Variants in OPA1 observed in about 807,000 individuals in gnomAD.
OPA1 encodes OPA1 mitochondrial dynamin like GTPase.
A neutral mutation model predicts 152.9 loss-of-function variants in OPA1; 59 were observed. That is an observed-to-expected ratio of 0.39 (90% CI 0.31 to 0.48). OPA1 has a LOEUF of 0.48. OPA1 is among the 20% of genes least tolerant of loss of function. The probability of loss-of-function intolerance (pLI) is 0.96; values close to 1 mark genes in which losing one functional copy is unlikely to be tolerated. For synonymous variants in OPA1, 400 were observed against 389.9 expected (o/e 1.03, Z -0.31); for missense variants, 1,008 against 1,216.8 (o/e 0.83, Z 2.55).
intron 7 of OPA1, 141 bp from the exon 8 acceptor site, chr3:193,631,471 A>G (rs1732057655): frequency 6.7e-6 from 4 of 596,280 alleles, no homozygotes; most frequent in Non-Finnish European, 1.2e-5. Flanking sequence ...TTCTTAAATC[A>G]CTTGATTTAA....
intron 24 of OPA1, 69 bp downstream of exon 24, chr3:193,659,064 C>A: frequency 2.0e-6 from 2 of 1,000,592 alleles, no homozygotes; most frequent in Admixed American, 1.7e-5. Context: ...CTTTAGTGAA[C>A]ATTTGTAGAA....
chr3:193,623,548 G>A (rs1730535464), intron 6 of OPA1, among the ~76,000 whole-genome samples: 1 of 152,096 alleles, frequency 6.6e-6, no homozygotes, highest in African/African-American at 2.4e-5. Context: ...ATTGAGATCT[G>A]CAGTGTCAAA....
At chr3:193,639,476 G>A (rs1733427451) in intron 11 of OPA1, among the ~76,000 whole-genome samples, 2 of 152,174 alleles carry the variant, frequency 1.3e-5, no homozygotes, top group Non-Finnish European at 2.9e-5. Flanking sequence ...TGTTCAGCAA[G>A]GAGAATAGCT....
Position 193,643,955 on chromosome 3 carries a change from C to A in OPA1, c.1478-20C>A. ...TTTACATCTTAAAATTCCACAGTGT[C>A]ATTTTTTTATTTTTTTCAGATGGAT... is the stretch of plus-strand genomic sequence containing the variant. On this transcript the variant is annotated intron_variant, in intron 15 of 30. Coordinates refer to ENST00000361510, the MANE Select transcript of OPA1 (RefSeq NM_130837.3). The A allele has an allele frequency of 6.2e-7, 1 of 1,612,626 alleles. No homozygotes were observed. The highest frequency in any genetic ancestry group is 1.1e-5 in the South Asian group (1 of 90,914).
At chr3:193,692,010 G>A in intron 29 of OPA1, 53 bp from the exon 30 acceptor site, 1 of 1,107,432 alleles carries the variant, frequency 9.0e-7, no homozygotes, top group Non-Finnish European at 1.3e-6. Flanking sequence ...ATTACCTCCT[G>A]ATTTGTGATA....
At chr3:193,605,114 A>T (rs2108812969) in intron 1 of OPA1, among the ~76,000 whole-genome samples, 2 of 152,270 alleles carry the variant, frequency 1.3e-5, no homozygotes, top group South Asian at 4.1e-4. Context: ...GTGGCATTAC[A>T]CTCCAGGTGT....
At chr3:193,658,188 T>C (rs1445569292) in intron 23 of OPA1, among the ~76,000 whole-genome samples, 1 of 151,264 alleles carries the variant, frequency 6.6e-6, no homozygotes, top group Non-Finnish European at 1.5e-5. Flanking sequence ...GAGGTTGCGG[T>C]TAGCCGAGAT....
At chr3:193,645,881 G>A in intron 18 of OPA1, 81 bp downstream of exon 18, 2 of 1,093,452 alleles carry the variant, frequency 1.8e-6, no homozygotes, top group South Asian at 2.7e-5. Flanking sequence ...AAAACATCAG[G>A]TTTTATAACT....
At chr3:193,609,293 A>G (rs1013646938) in intron 1 of OPA1, among the ~76,000 whole-genome samples, 2 of 152,210 alleles carry the variant, frequency 1.3e-5, no homozygotes, top group African/African-American at 4.8e-5. Flanking sequence ...TCCTTCACTT[A>G]TGAAGCTTAG....
Position 193,684,537 on chromosome 3 carries a change from G to A in OPA1, c.2984-7526G>A, listed in dbSNP as rs140464287. Among the ~76,000 whole-genome samples, 461 of 137,152 alleles carry A rather than the reference G, an allele frequency of 3.4e-3. 3 individuals carry two copies. Among genetic ancestry groups the A allele is most frequent in the South Asian group, 0.019 (79 of 4,106 alleles). 90.0% of individuals were successfully genotyped at this position (137,152 alleles called of 152,430 possible). A position where few individuals can be genotyped will look rare whatever the true frequency, so the allele number is the denominator to read the frequency against. On this transcript the variant is annotated intron_variant, in intron 29 of 30. Coordinates refer to ENST00000361510, the MANE Select transcript of OPA1 (RefSeq NM_130837.3). ...ATGATCTTGGCTCACTACAACCTCC[G>A]CCTCCTGGATTCAAGTGATTCTCCT... is the stretch of plus-strand genomic sequence containing the variant.
rs1022933274 is a variant in OPA1, at chr3:193,692,068, G to A, written c.2989G>A (p.Val997Ile). The A allele has an allele frequency of 6.6e-7, 1 of 1,520,292 alleles. No homozygotes were observed. Among genetic ancestry groups the A allele is most frequent in the Non-Finnish European group, 9.0e-7 (1 of 1,107,668 alleles). 94.2% of individuals were successfully genotyped at this position (1,520,292 alleles called of 1,614,324 possible). The change falls in exon 30 of 31, where the codon GTT becomes ATT. Residue 997 changes from valine to isoleucine, a missense_variant. By Grantham distance (29) the Val-to-Ile change is conservative. Coordinates refer to ENST00000361510, the MANE Select transcript of OPA1 (RefSeq NM_130837.3). ...CTTTATTTTTATCTCCACAGAGAAA[G>A]TTAGAGAAATTCAAGAAAAACTTGA... The part of the protein sequence containing the change: ...RVQLAEDLKK[V>I]REIQEKLDAF...
chr3:193,642,520 T>C (rs1395233711), intron 11 of OPA1, among the ~76,000 whole-genome samples: 1 of 152,172 alleles, frequency 6.6e-6, no homozygotes, highest in Non-Finnish European at 1.5e-5. Flanking sequence ...ATAAGCGATA[T>C]AAAGGAACCA....
intron 21 of OPA1, among the ~76,000 whole-genome samples, chr3:193,651,888 A>G (rs1712555765): frequency 6.8e-6 from 1 of 147,440 alleles, no homozygotes; most frequent in Admixed American, 6.8e-5. Context: ...TATGGAGTAT[A>G]ATAGTCCTCT....
intron 29 of OPA1, among the ~76,000 whole-genome samples, chr3:193,670,388 C>CTT (rs35561884): frequency 2.8e-4 from 39 of 140,652 alleles, no homozygotes; most frequent in African/African-American, 4.4e-4. Context: ...TCCCCCCCAC[C>CTT]TTTTTTTTTT....
chr3:193,640,451 C>T (rs1386041854), intron 11 of OPA1, among the ~76,000 whole-genome samples: 1 of 152,128 alleles, frequency 6.6e-6, no homozygotes, highest in Non-Finnish European at 1.5e-5. Flanking sequence ...AACATAGAAA[C>T]CAGTCGTTGA....
At chr3:193,595,994 A>G (rs1445312310) in intron 1 of OPA1, among the ~76,000 whole-genome samples, 1 of 152,140 alleles carries the variant, frequency 6.6e-6, no homozygotes, top group African/African-American at 2.4e-5. Flanking sequence ...CTAATTATTT[A>G]CATTGTAAGT....
intron 23 of OPA1, among the ~76,000 whole-genome samples, chr3:193,657,484 A>T (rs1714137690): frequency 6.6e-6 from 1 of 152,194 alleles, no homozygotes; most frequent in African/African-American, 2.4e-5. Flanking sequence ...ACTCTGATAA[A>T]CTTCTACAAA....
At chr3:193,685,303 A>G (rs79089427) in intron 29 of OPA1, among the ~76,000 whole-genome samples, 1 of 148,398 alleles carries the variant, frequency 6.7e-6, no homozygotes, top group East Asian at 1.9e-4. Flanking sequence ...CTCCATCTCA[A>G]AAAAAAAAAA....
chr3:193,626,746 A>G (rs1352808577), intron 7 of OPA1, among the ~76,000 whole-genome samples: 1 of 152,228 alleles, frequency 6.6e-6, no homozygotes, highest in African/African-American at 2.4e-5. Context: ...CATTTTTCAC[A>G]TTAATCAAAG....
Sources: gnomAD v4.1 joint callset for allele counts (sites outside exome capture counted in the v4.1 genomes callset) on GRCh38, gnomAD v4.1.1 for gene constraint, MANE v1.5 for transcripts, NCBI Gene and HGNC (gene_info 2026-07-23, HGNC 2026-07-21) for gene names.